Variants in ELF2 observed in about 807,000 individuals in gnomAD.
The protein encoded by ELF2 is E74 like ETS transcription factor 2.
In ELF2, 11 loss-of-function variants were observed where a neutral mutation model predicts 54.8. The ratio of observed to expected loss-of-function variants is 0.20; its 90% confidence interval spans 0.13 to 0.33. The LOEUF is 0.33. Among genes scored for constraint, ELF2 ranks in the 10% least tolerant of loss-of-function variants. The pLI is 1.00. For missense variants in ELF2, 513 were observed against 703.0 expected, an observed-to-expected ratio of 0.73 and a Z score of 3.06; for synonymous variants, 203 against 245.1, an observed-to-expected ratio of 0.83 and a Z score of 1.61.
intron 1 of ELF2, among the ~76,000 whole-genome samples, chr4:139,152,005 T>C (rs1740047459): frequency 6.6e-6 from 1 of 152,192 alleles, no homozygotes; most frequent in Non-Finnish European, 1.5e-5. Context: ...ACAGAAAGGG[T>C]GACTCTATTT....
chr4:139,167,039 A>G (rs537069401), intron 1 of ELF2, among the ~76,000 whole-genome samples: 2 of 152,352 alleles, frequency 1.3e-5, no homozygotes, highest in South Asian at 2.1e-4. Context: ...TATCTCAACA[A>G]AAGTGAAAGC....
chr4:139,130,995 G>A (rs1040447838), intron 3 of ELF2, among the ~76,000 whole-genome samples: 8 of 152,166 alleles, frequency 5.3e-5, no homozygotes, highest in African/African-American at 1.9e-4. Flanking sequence ...GGATGGAAGA[G>A]AAGAAACCAG....
At chr4:139,149,475 G>A (rs554508227) in intron 1 of ELF2, among the ~76,000 whole-genome samples, 15 of 152,178 alleles carry the variant, frequency 9.9e-5, no homozygotes, top group African/African-American at 3.1e-4. Flanking sequence ...ATAGCTAGGC[G>A]TGGTGGCATG....
At chr4:139,105,248 A>C (rs1734303688) in intron 4 of ELF2, among the ~76,000 whole-genome samples, 1 of 152,212 alleles carries the variant, frequency 6.6e-6, no homozygotes, top group Non-Finnish European at 1.5e-5. Flanking sequence ...TTGATTTGTG[A>C]CAAAGTAATT....
chr4:139,145,426 T>C (rs1739130171), intron 1 of ELF2, among the ~76,000 whole-genome samples: 1 of 152,176 alleles, frequency 6.6e-6, no homozygotes, highest in African/African-American at 2.4e-5. Flanking sequence ...ACTGGGCAGC[T>C]AGACCCAGAG....
At chr4:139,122,053 A>G (rs1736407294) in intron 4 of ELF2, among the ~76,000 whole-genome samples, 1 of 152,252 alleles carries the variant, frequency 6.6e-6, no homozygotes, top group South Asian at 2.1e-4. Flanking sequence ...TGATATGGAC[A>G]CATACATATG....
intron 3 of ELF2, among the ~76,000 whole-genome samples, chr4:139,135,287 G>T (rs1166659994): frequency 7.7e-6 from 1 of 129,212 alleles, no homozygotes; most frequent in Non-Finnish European, 1.7e-5. Context: ...GTGTATATAT[G>T]AATGAAACAT....
intron 1 of ELF2, among the ~76,000 whole-genome samples, chr4:139,156,243 T>A (rs1412123215): frequency 7.2e-5 from 11 of 152,168 alleles, no homozygotes; most frequent in Non-Finnish European, 1.5e-4. Flanking sequence ...TGGCGCGATC[T>A]CAGCTCACCG....
chr4:139,070,748 C>T (rs1729394775), intron 6 of ELF2, among the ~76,000 whole-genome samples: 1 of 152,170 alleles, frequency 6.6e-6, no homozygotes, highest in Non-Finnish European at 1.5e-5. Flanking sequence ...CTCCTAAATT[C>T]TCTCATGTAT....
chr4:139,104,257 C>T (rs570352859), intron 4 of ELF2, among the ~76,000 whole-genome samples: 54 of 152,076 alleles, frequency 3.6e-4, no homozygotes, highest in Admixed American at 1.5e-3. Context: ...TGCCTGTAAT[C>T]CCAGCATTTT....
intron 1 of ELF2, among the ~76,000 whole-genome samples, chr4:139,169,391 C>G (rs1253114387): frequency 6.6e-6 from 1 of 151,096 alleles, no homozygotes; most frequent in African/African-American, 2.4e-5. Flanking sequence ...CTCATAAAGG[C>G]CACAACCCTG....
intron 4 of ELF2, among the ~76,000 whole-genome samples, chr4:139,087,502 G>A (rs1189472945): frequency 6.6e-6 from 1 of 152,168 alleles, no homozygotes; most frequent in Admixed American, 6.5e-5. Context: ...GTCTCGCTCT[G>A]TTGCCCAGGC....
At chr4:139,160,433 T>C (rs1741016706) in intron 1 of ELF2, among the ~76,000 whole-genome samples, 1 of 152,216 alleles carries the variant, frequency 6.6e-6, no homozygotes, top group Non-Finnish European at 1.5e-5. Context: ...ACAAGTAATA[T>C]GTAATCCTGT....
chr4:139,163,759 C>CAA (rs1239342962), intron 1 of ELF2, among the ~76,000 whole-genome samples: 3 of 151,958 alleles, frequency 2.0e-5, no homozygotes, highest in African/African-American at 7.3e-5. Context: ...ACAAAAAATA[C>CAA]AAAAACTAGC....
chr4:139,169,586 G>A (rs896264214), intron 1 of ELF2, among the ~76,000 whole-genome samples: 10 of 152,008 alleles, frequency 6.6e-5, no homozygotes, highest in Non-Finnish European at 1.0e-4. Context: ...GGCCGGGCGC[G>A]GTGGCTCATG....
chr4:139,133,869 G>A (rs1442876309), intron 3 of ELF2, among the ~76,000 whole-genome samples: 1 of 151,946 alleles, frequency 6.6e-6, no homozygotes, highest in African/African-American at 2.4e-5. Context: ...CATATCCTCT[G>A]GCTATTCTAA....
chr4:139,175,911 G>A lies in ELF2; in HGVS notation c.-252+1056C>T, dbSNP rs546045068. On this transcript the variant is annotated intron_variant, in intron 1 of 9. Coordinates refer to ENST00000686138, the MANE Select transcript of ELF2 (RefSeq NM_001331036.3). ...AGAGTCCATCCAGGATGCTGGCAGA[G>A]GGAAAAAGATTAGAAACTGTGCGAT... is the stretch of plus-strand genomic sequence containing the variant. Among the ~76,000 whole-genome samples, 6 of 152,314 alleles carry A rather than the reference G, an allele frequency of 3.9e-5. No homozygotes were observed. In the South Asian group the frequency reaches 1.2e-3, roughly 32 times the overall value.
intron 1 of ELF2, among the ~76,000 whole-genome samples, chr4:139,149,993 G>C (rs942960573): frequency 6.6e-6 from 1 of 152,058 alleles, no homozygotes; most frequent in African/African-American, 2.4e-5. Context: ...CCAGGAGCTT[G>C]AGCCCAGTCT....
rs1727204693 is a variant in ELF2, at chr4:139,057,399, A to G, written c.*1584T>C. The G allele has an allele frequency of 6.6e-6, 1 of 152,252 alleles. No individual in the cohort carries two copies. The highest frequency in any genetic ancestry group is 1.9e-4 in the East Asian group (1 of 5,204). The allele number at this position is 152,252 out of a possible 1,614,324, so 9.4% of individuals were successfully genotyped here. A position where few individuals can be genotyped will look rare whatever the true frequency, so the allele number is the denominator to read the frequency against. On this transcript the variant is annotated 3_prime_UTR_variant, in exon 10 of 10. Coordinates refer to ENST00000686138, the MANE Select transcript of ELF2 (RefSeq NM_001331036.3). ...AAAAATATTATGTATGAGTTCATCT[A>G]CATTTCTAAAACATGTAAAAATAGA...
Sources: allele counts gnomAD v4.1 joint callset (sites outside exome capture counted in the v4.1 genomes callset), GRCh38; gene constraint gnomAD v4.1.1; transcripts MANE v1.5; gene names NCBI Gene and HGNC (gene_info 2026-07-23, HGNC 2026-07-21).